Variants in C3orf52 observed in about 807,000 individuals in gnomAD.
C3orf52 encodes the protein TPA-induced transmembrane protein.
In C3orf52, 22 loss-of-function variants were observed where a neutral mutation model predicts 24.8. The ratio of observed to expected loss-of-function variants is 0.89; its 90% CI spans 0.63 to 1.27. The LOEUF (loss-of-function observed/expected upper bound fraction) is 1.27, where lower values mean the gene tolerates loss of function less well. Ranked by LOEUF, C3orf52 falls within the 50% of genes most tolerant of loss-of-function variation. The probability of loss-of-function intolerance (pLI) is 0.00; values close to 1 mark genes in which losing one functional copy is unlikely to be tolerated. For missense variants in C3orf52, 265 were observed against 260.7 expected (o/e 1.02, Z -0.11); for synonymous variants, 93 against 100.2 (o/e 0.93, Z 0.43).
chr3:112,086,703 A>T (rs1201337031), intron 1 of C3orf52, among the ~76,000 whole-genome samples, 158 bp downstream of exon 1: 1 of 151,808 alleles, frequency 6.6e-6, no homozygotes, highest in Non-Finnish European at 1.5e-5. Context: ...GAGCCGAGTC[A>T]CCGCGACACC....
chr3:112,119,576 CTT>C, downstream of C3orf52: 1 of 701,172 alleles, frequency 1.4e-6, no homozygotes, highest in Non-Finnish European at 2.6e-6. Flanking sequence ...CATATTCTCT[CTT>C]TTGTCTTTTA....
chr3:112,127,549 C>T (rs1435283477), intron 4 of C3orf52, among the ~76,000 whole-genome samples: 2 of 152,174 alleles, frequency 1.3e-5, no homozygotes, highest in East Asian at 3.8e-4. Flanking sequence ...GTGAGGGTAA[C>T]CCTATGTCCT....
intron 3 of C3orf52, among the ~76,000 whole-genome samples, chr3:112,104,672 C>G (rs2074007752): frequency 6.6e-6 from 1 of 151,460 alleles, no homozygotes; most frequent in Non-Finnish European, 1.5e-5. Flanking sequence ...TTTTGGGGGA[C>G]CAGGTGGTAT....
downstream of C3orf52, chr3:112,122,097 C>T (rs549074271): frequency 1.9e-4 from 29 of 152,348 alleles, no homozygotes; most frequent in African/African-American, 6.3e-4. Context: ...GCCTTGGTCT[C>T]ACTTATCCAT....
intron 5 of C3orf52, among the ~76,000 whole-genome samples, chr3:112,116,141 G>C (rs146474542): frequency 6.6e-6 from 1 of 152,282 alleles, no homozygotes; most frequent in Non-Finnish European, 1.5e-5. Flanking sequence ...AGTGAATCTT[G>C]TCAGTCCTGT....
At chr3:112,119,239 G>A (rs1362096917), downstream of C3orf52, among the ~76,000 whole-genome samples, 3 of 152,160 alleles carry the variant, frequency 2.0e-5, no homozygotes, top group African/African-American at 7.2e-5. Context: ...GCCAGGCGTG[G>A]TGGCAGGCGC....
At chr3:112,089,321 T>G (rs961960507) in intron 1 of C3orf52, among the ~76,000 whole-genome samples, 1 of 151,750 alleles carries the variant, frequency 6.6e-6, no homozygotes, top group Non-Finnish European at 1.5e-5. Context: ...AGGTTGGGAG[T>G]TCGAGACCAG....
Position 112,125,188 on chromosome 3 carries a change from C to A in C3orf52, c.*47-3045C>A, listed in dbSNP as rs761244263. ...CCATTTAGGGTGTCTGTACTTCTAT[C>A]ATCATCTCAAAAAATAGCTTAGAGA... On this transcript the variant is annotated intron_variant, in intron 4 of 4. Coordinates refer to the C3orf52 transcript ENST00000480282. The A allele has an allele frequency of 5.1e-6, 7 of 1,383,842 alleles. No homozygotes were observed. In the Admixed American group the frequency reaches 8.4e-5, roughly 17 times the overall value. The allele number at this position is 1,383,842 out of a possible 1,614,324, so 85.7% of individuals were successfully genotyped here.
At chr3:112,093,802 T>G (rs2073901579) in intron 2 of C3orf52, among the ~76,000 whole-genome samples, 1 of 152,224 alleles carries the variant, frequency 6.6e-6, no homozygotes, top group Non-Finnish European at 1.5e-5. Flanking sequence ...GATTTATATT[T>G]TATTTATATC....
exon 5 of C3orf52, chr3:112,128,682 G>A (rs1492486): frequency 0.33 from 54,734 of 164,292 alleles, 9,531 homozygotes; most frequent in Admixed American, 0.41. Context: ...GACAACCCTG[G>A]TGCAGGAGGT....
chr3:112,089,173 A>C (rs372906797), intron 1 of C3orf52, among the ~76,000 whole-genome samples: 2 of 152,224 alleles, frequency 1.3e-5, no homozygotes, highest in Admixed American at 6.5e-5. Context: ...GCATTTTAAG[A>C]GATGGCAACA....
rs761711287 is a variant in C3orf52 at position 112,109,565 on chromosome 3, C to T, written c.419C>T (p.Ser140Leu). The change falls in exon 4 of 6, where the codon TCG becomes TTG. Residue 140 changes from serine (S) to leucine (L), a missense_variant. Coordinates refer to ENST00000264848, the MANE Select transcript of C3orf52 (RefSeq NM_024616.3). ...TERLTDVYST[S>L]PSLGRYFTSV... Reference sequence around the variant, plus strand: ...TAGCTCACAGATGTGTACAGTACATCGCCCTCTCTGGGTCGTTATTTTACT... The same window carrying T: ...TAGCTCACAGATGTGTACAGTACATTGCCCTCTCTGGGTCGTTATTTTACT... 3.7e-5 allele frequency: 59 copies of T among 1,601,292 alleles called. No homozygotes were observed. The highest frequency in any genetic ancestry group is 1.7e-4 in the Middle Eastern group (1 of 6,044).
chr3:112,088,329 T>C (rs1011924945), intron 1 of C3orf52, among the ~76,000 whole-genome samples: 1 of 152,242 alleles, frequency 6.6e-6, no homozygotes, highest in Non-Finnish European at 1.5e-5. Flanking sequence ...ATTAAAAAGA[T>C]TCAGACACTT....
intron 2 of C3orf52, among the ~76,000 whole-genome samples, chr3:112,098,146 T>G (rs1038755310): frequency 6.6e-6 from 1 of 152,236 alleles, no homozygotes; most frequent in South Asian, 2.1e-4. Flanking sequence ...GGTCTGCATT[T>G]GAATCTTGCC....
At chr3:112,119,380 A>G (rs1341749730), downstream of C3orf52, 1 of 674,630 alleles carries the variant, frequency 1.5e-6, no homozygotes, top group Non-Finnish European at 2.7e-6. Flanking sequence ...CATAACAAAC[A>G]AACAAACAAA....
chr3:112,127,436 C>A (rs1397255789), intron 4 of C3orf52, among the ~76,000 whole-genome samples: 1 of 152,108 alleles, frequency 6.6e-6, no homozygotes, highest in Admixed American at 6.5e-5. Flanking sequence ...AACAAATAAA[C>A]ACACTCTTCG....
rs778115433 is a variant in C3orf52, at chr3:112,093,438, AT to A, written c.221del (p.Phe74SerfsTer2). 13 of 1,613,626 alleles carry A rather than the reference AT, an allele frequency of 8.1e-6. No homozygotes were observed. The highest frequency in any genetic ancestry group is 1.1e-5 in the Non-Finnish European group (13 of 1,179,768). On this transcript the variant is annotated frameshift_variant, in exon 2 of 6. Transcript: ENST00000264848. LOFTEE classifies it high-confidence loss of function. Reference sequence around the variant, plus strand: ...CAAACTGTGGATGATCATCACCTCCATTTTCCTAGGTGTCATTACAGTGATC... The same window carrying A: ...CAAACTGTGGATGATCATCACCTCCATTTCCTAGGTGTCATTACAGTGATC... ...RCKLWMIITS[I>X]FLGVITVIII...
chr3:112,110,051 C>G lies in C3orf52; in HGVS notation c.467+438C>G, dbSNP rs557311779. ...TAGTATTAAAGATGTAAAGAGGGGC[C>G]GGGCGTGGTAGCTCACGCCTGTAAT... On this transcript the variant is annotated intron_variant, in intron 4 of 5. Transcript: ENST00000264848. 2.1e-3 allele frequency among the ~76,000 whole-genome samples: 317 copies of G among 152,272 alleles called. 1 individual carries two copies. The highest frequency in any genetic ancestry group is 7.4e-3 in the African/African-American group (306 of 41,546).
chr3:112,135,356 A>T (rs1409218529), downstream of C3orf52: 3 of 152,464 alleles, frequency 2.0e-5, no homozygotes, highest in Non-Finnish European at 4.4e-5. Flanking sequence ...CAAAGTGCAA[A>T]ATATTTTATT....
Sources: allele counts gnomAD v4.1 joint callset (sites outside exome capture counted in the v4.1 genomes callset), GRCh38; gene constraint gnomAD v4.1.1; transcripts MANE v1.5; gene names NCBI Gene and HGNC (gene_info 2026-07-23, HGNC 2026-07-21).